Variants in PCDH11X observed in about 807,000 individuals in gnomAD.
PCDH11X encodes the protein protocadherin 11 X-linked.
In PCDH11X, 18 loss-of-function variants were observed where a neutral mutation model predicts 53.3. The ratio of observed to expected loss-of-function variants is 0.34; its 90% CI spans 0.23 to 0.50. The LOEUF is 0.50. Ranked by LOEUF, PCDH11X falls within the 20% of genes least tolerant of loss-of-function variation. The pLI is 0.98. For missense variants in PCDH11X, 570 were observed against 1,032.4 expected, an observed-to-expected ratio of 0.55 and a Z score of 6.14; for synonymous variants, 279 against 393.3, an observed-to-expected ratio of 0.71 and a Z score of 3.44.
At chrX:92,073,040 G>T (rs887577766) in intron 6 of PCDH11X, among the ~76,000 whole-genome samples, 20 of 111,159 alleles carry the variant, frequency 1.8e-4, no homozygotes, top group African/African-American at 6.6e-4. Context: ...ATGAGTGCTG[G>T]CTGAGTTCGG....
chrX:91,911,403 C>T (rs373932405), intron 6 of PCDH11X, among the ~76,000 whole-genome samples: 96 of 110,106 alleles, frequency 8.7e-4, no homozygotes, highest in African/African-American at 3.1e-3. Context: ...GTAACAATCA[C>T]ATCAGGGTAA....
At chrX:91,979,316 T>C (rs2062091551) in intron 6 of PCDH11X, among the ~76,000 whole-genome samples, 1 of 110,649 alleles carries the variant, frequency 9.0e-6, no homozygotes, top group Middle Eastern at 4.6e-3. Flanking sequence ...TTAAGAATAT[T>C]AAGACAACTT....
At chrX:92,258,407 G>C (rs182543538) in intron 7 of PCDH11X, among the ~76,000 whole-genome samples, 1 of 97,252 alleles carries the variant, frequency 1.0e-5, no homozygotes, top group South Asian at 5.0e-4. Context: ...TTGCTCCATC[G>C]CCCAGGCTGG....
intron 4 of PCDH11X, among the ~76,000 whole-genome samples, chrX:91,828,255 G>A (rs1183421570): frequency 5.5e-5 from 6 of 109,073 alleles, no homozygotes; most frequent in Admixed American, 2.0e-4. Flanking sequence ...GCATAGCTGG[G>A]ACTACAGGCG....
chrX:92,326,372 A>G (rs978274504), intron 8 of PCDH11X, among the ~76,000 whole-genome samples: 4 of 104,892 alleles, frequency 3.8e-5, no homozygotes, highest in African/African-American at 1.4e-4. Context: ...ATTGAAATTC[A>G]GAGGGTATCA....
intron 8 of PCDH11X, among the ~76,000 whole-genome samples, chrX:92,273,630 G>A (rs753609108): frequency 4.0e-4 from 44 of 110,598 alleles, no homozygotes; most frequent in Admixed American, 5.8e-4. Flanking sequence ...TGCTTCAAGC[G>A]GGATTAGGGG....
chrX:92,455,756 G>GA (rs1441018850), intron 9 of PCDH11X, among the ~76,000 whole-genome samples: 2 of 73,183 alleles, frequency 2.7e-5, no homozygotes, highest in African/African-American at 5.2e-5. Context: ...CTTCTAGTAG[G>GA]AAAAAATATA....
At chrX:92,374,186 G>C (rs2070689152) in intron 8 of PCDH11X, among the ~76,000 whole-genome samples, 1 of 109,264 alleles carries the variant, frequency 9.2e-6, no homozygotes. Flanking sequence ...TTTTATATTT[G>C]TCATTTTTTT....
intron 6 of PCDH11X, among the ~76,000 whole-genome samples, chrX:92,116,921 G>A (rs1285922493): frequency 9.2e-6 from 1 of 109,147 alleles, no homozygotes; most frequent in Non-Finnish European, 1.9e-5. Flanking sequence ...AAAAATCAAT[G>A]TTGGGTTAGC....
At chrX:92,510,815 C>T (rs1447007652) in intron 10 of PCDH11X, among the ~76,000 whole-genome samples, 1 of 111,960 alleles carries the variant, frequency 8.9e-6, no homozygotes, top group Non-Finnish European at 1.9e-5. Context: ...TTTTTGAGTA[C>T]GACTTCCCCA....
At chrX:92,174,737 G>GAGGTCTCTT (rs1309756228) in intron 6 of PCDH11X, among the ~76,000 whole-genome samples, 1 of 111,583 alleles carries the variant, frequency 9.0e-6, no homozygotes, top group Non-Finnish European at 1.9e-5. Context: ...TTATATTTCT[G>GAGGTCTCTT]AGGTCTCTTG....
At chrX:91,993,931 C>T (rs2062367501) in intron 6 of PCDH11X, among the ~76,000 whole-genome samples, 1 of 93,207 alleles carries the variant, frequency 1.1e-5, no homozygotes, top group Admixed American at 1.2e-4. Flanking sequence ...AACTGATCCT[C>T]TACAGCATTT....
At chrX:91,825,402 A>G (rs1397981293) in intron 4 of PCDH11X, among the ~76,000 whole-genome samples, 1 of 111,791 alleles carries the variant, frequency 8.9e-6, no homozygotes, top group Non-Finnish European at 1.9e-5. Flanking sequence ...AGCCCGTCGG[A>G]AAAGCACAGT....
At chrX:92,585,627 C>T (rs1455221199) in intron 10 of PCDH11X, among the ~76,000 whole-genome samples, 10 of 110,311 alleles carry the variant, frequency 9.1e-5, no homozygotes, top group Admixed American at 6.8e-4. Flanking sequence ...GCCTCGGCCT[C>T]CCAAAGTGCT....
intron 10 of PCDH11X, among the ~76,000 whole-genome samples, chrX:92,501,738 T>C (rs1464856952): frequency 9.0e-6 from 1 of 111,274 alleles, no homozygotes; most frequent in African/African-American, 3.3e-5. Flanking sequence ...ATAAGAACCA[T>C]ATATGACAAA....
intron 8 of PCDH11X, among the ~76,000 whole-genome samples, chrX:92,363,077 A>G (rs956874574): frequency 9.0e-6 from 1 of 111,186 alleles, no homozygotes; most frequent in Non-Finnish European, 1.9e-5. Context: ...TTTACAAGTA[A>G]CTTAAATGTG....
At chrX:92,357,334 A>G (rs1363894103) in intron 8 of PCDH11X, among the ~76,000 whole-genome samples, 4 of 111,672 alleles carry the variant, frequency 3.6e-5, no homozygotes, top group African/African-American at 1.3e-4. Flanking sequence ...GATTGAGAAT[A>G]TATTTCTTTA....
intron 9 of PCDH11X, among the ~76,000 whole-genome samples, chrX:92,436,588 T>A (rs2072380110): frequency 1.8e-5 from 2 of 111,573 alleles, no homozygotes; most frequent in Admixed American, 9.6e-5. Flanking sequence ...TGCCCATCAA[T>A]GACAGATTGG....
chrX:91,790,841 T>G (rs1010412222), intron 1 of PCDH11X, among the ~76,000 whole-genome samples: 11 of 110,707 alleles, frequency 9.9e-5, no homozygotes, highest in African/African-American at 3.6e-4. Flanking sequence ...ACCATTGAAA[T>G]AAGTGTAAAT....
Sources: gnomAD v4.1 joint callset for allele counts (sites outside exome capture counted in the v4.1 genomes callset) on GRCh38, gnomAD v4.1.1 for gene constraint, MANE v1.5 for transcripts, NCBI Gene and HGNC (gene_info 2026-07-23, HGNC 2026-07-21) for gene names.